Variants in NIPA1 observed in about 807,000 individuals in gnomAD.
NIPA1 encodes the protein NIPA magnesium transporter 1.
NIPA1 carries 13 observed loss-of-function variants against 23.9 expected under a neutral mutation model. The ratio of observed to expected loss-of-function variants is 0.54; its 90% CI spans 0.35 to 0.87. The LOEUF (loss-of-function observed/expected upper bound fraction) is 0.87. Ranked by LOEUF, NIPA1 falls within the 40% of genes least tolerant of loss-of-function variation. The probability of loss-of-function intolerance (pLI) is 0.01; values close to 1 mark genes in which losing one functional copy is unlikely to be tolerated. For missense variants in NIPA1, 362 were observed against 429.7 expected (o/e 0.84, Z 1.39); for synonymous variants, 234 against 202.9 (o/e 1.15, Z -1.30).
Position 22,807,853 on chromosome 15 carries a change from G to A in NIPA1, c.179-2896G>A, listed in dbSNP as rs539964684. On this transcript the variant is annotated intron_variant, in intron 1 of 4. Transcript: ENST00000337435. The stretch of plus-strand genomic sequence containing the variant: ...GGCTGGAGTGCAGTGGCACAATCTC[G>A]GCTTACTGCAAGCTCTGCCTCCCAG... 2.3e-3 allele frequency among the ~76,000 whole-genome samples: 350 copies of A among 149,346 alleles called. 8 individuals carry two copies. The highest frequency in any genetic ancestry group is 1.9e-3 in the Non-Finnish European group (129 of 67,754).
At chr15:22,796,956 A>C (rs1490857655) in intron 1 of NIPA1, among the ~76,000 whole-genome samples, 1 of 152,146 alleles carries the variant, frequency 6.6e-6, no homozygotes, top group Admixed American at 6.5e-5. Flanking sequence ...ATTGTTTAAA[A>C]TCTGGAAAGT....
chr15:22,812,775 A>G (rs562852051), intron 3 of NIPA1, among the ~76,000 whole-genome samples: 1 of 152,176 alleles, frequency 6.6e-6, no homozygotes, highest in African/African-American at 2.4e-5. Flanking sequence ...TGAAACTGTC[A>G]CTCATTTTTC....
rs543455081 is a variant in NIPA1 at position 22,816,954 on chromosome 15, C to T, written c.318-3359C>T. ...ATCCCAGCACTCTGGGAGGCTGAGA[C>T]GGGAAGATCACCTGAGGTCAGGAGT... On this transcript the variant is annotated intron_variant, in intron 3 of 4. Coordinates refer to ENST00000337435, the MANE Select transcript of NIPA1 (RefSeq NM_144599.5). 1.9e-4 allele frequency among the ~76,000 whole-genome samples: 29 copies of T among 149,896 alleles called. No homozygotes were observed. The East Asian group carries it at 2.0e-3, about 10-fold the overall frequency.
chr15:22,808,762 T>C (rs1477915793), intron 1 of NIPA1, among the ~76,000 whole-genome samples: 1 of 147,654 alleles, frequency 6.8e-6, no homozygotes, highest in Non-Finnish European at 1.5e-5. Flanking sequence ...CTCATCCTCC[T>C]GGGCTCAAGC....
chr15:22,796,935 A>G (rs1473059897), intron 1 of NIPA1, among the ~76,000 whole-genome samples: 1 of 152,174 alleles, frequency 6.6e-6, no homozygotes, highest in East Asian at 1.9e-4. Flanking sequence ...CTGATTGTAG[A>G]ATACATAGTC....
rs974918043 is a variant in NIPA1 at position 22,820,602 on chromosome 15, T to C, written c.478+129T>C. Reference sequence around the variant, plus strand: ...GTGTGTCCACCCTGATCTGTTACTGTAGATCTGTGTTCTCTGGGAACGTGC... The same window carrying C: ...GTGTGTCCACCCTGATCTGTTACTGCAGATCTGTGTTCTCTGGGAACGTGC... On this transcript the variant is annotated intron_variant, in intron 4 of 4. Transcript: ENST00000337435. The C allele has an allele frequency of 3.8e-6, 3 of 790,340 alleles. No homozygotes were observed. In the South Asian group the frequency reaches 4.1e-5, roughly 11 times the overall value. 49.0% of individuals were successfully genotyped at this position (790,340 alleles called of 1,614,324 possible). A position where few individuals can be genotyped will look rare whatever the true frequency, so the allele number is the denominator to read the frequency against.
rs567372936 is a variant in NIPA1 at position 22,825,635 on chromosome 15, G to A, written c.*1396G>A. 6.6e-6 allele frequency: 1 copy of A among 152,220 alleles called. No individual in the cohort carries two copies. Among genetic ancestry groups the A allele is most frequent in the South Asian group, 2.1e-4 (1 of 4,816 alleles). The allele number at this position is 152,220 out of a possible 1,614,324, so 9.4% of individuals were successfully genotyped here. On this transcript the variant is annotated 3_prime_UTR_variant, in exon 5 of 5. Transcript: ENST00000337435. ...GTACCTGTTCAATAGCTCATATATC[G>A]AGTACCCTGTCATACAGGAACAAGT...
intron 1 of NIPA1, among the ~76,000 whole-genome samples, chr15:22,789,945 C>T (rs1894794301): frequency 6.6e-6 from 1 of 152,128 alleles, no homozygotes; most frequent in Non-Finnish European, 1.5e-5. Context: ...CAGGTACACG[C>T]TACCATGTCC....
At chr15:22,803,532 G>A (rs1199468915) in intron 1 of NIPA1, among the ~76,000 whole-genome samples, 26 of 115,210 alleles carry the variant, frequency 2.3e-4, no homozygotes, top group African/African-American at 8.1e-4. Flanking sequence ...TTTTTGAGAC[G>A]GAGTCTCACT....
intron 2 of NIPA1, chr15:22,811,096 A>G (rs2140867359): frequency 2.5e-6 from 1 of 399,510 alleles, no homozygotes; most frequent in South Asian, 3.3e-5. Context: ...CCTGGGCCCG[A>G]AGAAATTAAA....
intron 1 of NIPA1, among the ~76,000 whole-genome samples, chr15:22,807,810 GTC>G (rs891159030): frequency 1.3e-5 from 2 of 151,196 alleles, no homozygotes; most frequent in South Asian, 2.1e-4. Context: ...GTGTGATGGA[GTC>G]TCTCTCTGTT....
chr15:22,809,744 G>GAAA (rs34782532), intron 1 of NIPA1, among the ~76,000 whole-genome samples: 10,410 of 135,880 alleles, frequency 0.077, 516 homozygotes, highest in South Asian at 0.18. Context: ...GACTCTGTCT[G>GAAA]AAAAAAAAAA....
In NIPA1 at chr15:22,824,782, C is replaced by G. The variant is rs989449731; in HGVS notation, c.*543C>G. The G allele has an allele frequency of 6.5e-6, 1 of 154,462 alleles. No individual in the cohort carries two copies. The highest frequency in any genetic ancestry group is 6.3e-5 in the Admixed American group (1 of 15,798). 9.6% of individuals were successfully genotyped at this position (154,462 alleles called of 1,614,324 possible). On this transcript the variant is annotated 3_prime_UTR_variant, in exon 5 of 5. Transcript: ENST00000337435. The surrounding 1 kb of genome is among the most constrained non-coding windows in gnomAD (Gnocchi z 4.1). ...ATCCTCTGACAAGTTGACTCTTCGA[C>G]CCCCACCCCCACCCAAGACATTTTA...
At chr15:22,791,490 TTTTTTTTTTG>T (rs1331188640) in intron 1 of NIPA1, among the ~76,000 whole-genome samples, 27 of 127,386 alleles carry the variant, frequency 2.1e-4, no homozygotes, top group East Asian at 1.8e-3. Flanking sequence ...TTTTTTTTTT[TTTTTTTTTTG>T]TGAGACGGAG....
At chr15:22,813,815 T>G (rs575694131) in intron 3 of NIPA1, 89 of 400,056 alleles carry the variant, frequency 2.2e-4, no homozygotes, top group African/African-American at 1.7e-3. Flanking sequence ...CATGTGTGGC[T>G]TGGTGTCCCT....
intron 1 of NIPA1, among the ~76,000 whole-genome samples, chr15:22,797,213 T>C (rs1894956557): frequency 1.2e-5 from 1 of 81,680 alleles, no homozygotes; most frequent in African/African-American, 1.1e-4. Flanking sequence ...CTAATATATT[T>C]GGGTTTTTTT....
chr15:22,802,486 C>T (rs764155280), intron 1 of NIPA1, among the ~76,000 whole-genome samples: 5 of 151,454 alleles, frequency 3.3e-5, no homozygotes, highest in African/African-American at 9.7e-5. Context: ...CATGAGTGCA[C>T]GAATAAGTGT....
In NIPA1 at chr15:22,829,526, A is replaced by G. The variant is rs900655731; in HGVS notation, c.*5287A>G. The G allele has an allele frequency of 6.6e-6, 1 of 152,318 alleles. No homozygotes were observed. The highest frequency in any genetic ancestry group is 2.4e-5 in the African/African-American group (1 of 41,450). 9.4% of individuals were successfully genotyped at this position (152,318 alleles called of 1,614,324 possible). A position where few individuals can be genotyped will look rare whatever the true frequency, so the allele number is the denominator to read the frequency against. On this transcript the variant is annotated 3_prime_UTR_variant, in exon 5 of 5. Coordinates refer to ENST00000337435, the MANE Select transcript of NIPA1 (RefSeq NM_144599.5). ...ACTATTATTTTCTTGAAAATGGAAT[A>G]TAATCATGAGAGGAAGAAGATGTAA... is the stretch of plus-strand genomic sequence containing the variant.
intron 1 of NIPA1, among the ~76,000 whole-genome samples, chr15:22,803,129 G>C (rs1895121572): frequency 6.6e-6 from 1 of 151,716 alleles, no homozygotes; most frequent in African/African-American, 2.4e-5. Context: ...GCTAAGTTTT[G>C]TATTTTTAGT....
Sources: allele counts gnomAD v4.1 joint callset (sites outside exome capture counted in the v4.1 genomes callset), GRCh38; gene constraint gnomAD v4.1.1; non-coding constraint Gnocchi (gnomAD v3.1); transcripts MANE v1.5; gene names NCBI Gene and HGNC (gene_info 2026-07-23, HGNC 2026-07-21).